Variants in SLC25A13 observed in about 807,000 individuals in gnomAD.
SLC25A13 encodes the protein solute carrier family 25 member 13.
Under a neutral mutation model 85.5 loss-of-function variants are expected in SLC25A13, and 70 were observed. The observed-to-expected ratio is 0.82, with a 90% CI of 0.68 to 1.00. The LOEUF (loss-of-function observed/expected upper bound fraction) is 1.00, where lower values mean the gene tolerates loss of function less well. SLC25A13 is among the 50% of genes least tolerant of loss of function. The pLI, the probability that SLC25A13 is intolerant of heterozygous loss-of-function variation, is 0.00. For missense variants in SLC25A13, 765 were observed against 819.8 expected (o/e 0.93, Z 0.82); for synonymous variants, 259 against 288.7 (o/e 0.90, Z 1.04).
At chr7:96,185,822 C>T (rs1174383350) in intron 9 of SLC25A13, among the ~76,000 whole-genome samples, 1 of 151,876 alleles carries the variant, frequency 6.6e-6, no homozygotes, top group Non-Finnish European at 1.5e-5. Flanking sequence ...ATGGCGTGAA[C>T]CCGTGAGGTG....
chr7:96,191,857 G>A (rs1174679112), intron 6 of SLC25A13, among the ~76,000 whole-genome samples: 1 of 152,112 alleles, frequency 6.6e-6, no homozygotes, highest in Non-Finnish European at 1.5e-5. Context: ...TAAAAATTCT[G>A]ATAATCAGAA....
At position 96,194,902 on chromosome 7, in the gene SLC25A13, C is replaced by G. The variant is rs143471288; in HGVS notation, c.469-1719G>C. Among the ~76,000 whole-genome samples the G allele has an allele frequency of 2.7e-4, 41 of 152,280 alleles. 3 individuals carry two copies. The East Asian group carries it at 7.5e-3, about 28-fold the overall frequency. The stretch of plus-strand genomic sequence containing the variant: ...CTCATTTGTAGCCATCTGCCAGTTT[C>G]GAACCAGCCTGCCTCAGCTGAAACT... On this transcript the variant is annotated intron_variant, in intron 5 of 17. Transcript: ENST00000265631.
At chr7:96,270,516 C>T (rs1249616806) in intron 3 of SLC25A13, among the ~76,000 whole-genome samples, 1 of 151,266 alleles carries the variant, frequency 6.6e-6, no homozygotes, top group Non-Finnish European at 1.5e-5. Flanking sequence ...GATCGTGCCA[C>T]TGCACCCCAG....
At chr7:96,178,321 C>T (rs1191918197) in intron 11 of SLC25A13, among the ~76,000 whole-genome samples, 3 of 152,110 alleles carry the variant, frequency 2.0e-5, no homozygotes, top group Non-Finnish European at 4.4e-5. Flanking sequence ...GGGGCTACTA[C>T]CAAGGAAGAA....
intron 6 of SLC25A13, among the ~76,000 whole-genome samples, chr7:96,192,320 A>C (rs2084929742): frequency 1.3e-5 from 2 of 152,204 alleles, no homozygotes; most frequent in Admixed American, 6.5e-5. Context: ...AAACTGAGTT[A>C]TTACCAAAAT....
chr7:96,303,171 A>G (rs1799615489), intron 1 of SLC25A13, among the ~76,000 whole-genome samples: 1 of 152,164 alleles, frequency 6.6e-6, no homozygotes, highest in African/African-American at 2.4e-5. Context: ...CACCAACTGT[A>G]CAGCACAGCC....
At chr7:96,318,358 T>A (rs761005849) in intron 1 of SLC25A13, among the ~76,000 whole-genome samples, 150 of 152,342 alleles carry the variant, frequency 9.8e-4, no homozygotes, top group Middle Eastern at 6.8e-3. Context: ...GGGTGACCTC[T>A]CAATTACCAC....
chr7:96,314,383 A>G (rs779301715), intron 1 of SLC25A13, among the ~76,000 whole-genome samples: 2 of 152,170 alleles, frequency 1.3e-5, no homozygotes, highest in Non-Finnish European at 2.9e-5. Flanking sequence ...TCACCCAATT[A>G]GAGGGTCTGT....
chr7:96,299,352 C>T (rs1799469258), intron 1 of SLC25A13, among the ~76,000 whole-genome samples: 1 of 152,130 alleles, frequency 6.6e-6, no homozygotes, highest in African/African-American at 2.4e-5. Context: ...AGAGAATGAC[C>T]CAACACTTAT....
At chr7:96,175,016 C>A (rs894083336) in intron 11 of SLC25A13, among the ~76,000 whole-genome samples, 1 of 152,154 alleles carries the variant, frequency 6.6e-6, no homozygotes, top group East Asian at 1.9e-4. Flanking sequence ...GGAAAGGGAA[C>A]GCTAGTTGTC....
chr7:96,227,088 T>C (rs1443125401), intron 4 of SLC25A13, among the ~76,000 whole-genome samples: 1 of 152,238 alleles, frequency 6.6e-6, no homozygotes, highest in Non-Finnish European at 1.5e-5. Context: ...TTATCTCAAA[T>C]ATAAAATTCA....
At chr7:96,207,766 A>G (rs28579874) in intron 5 of SLC25A13, among the ~76,000 whole-genome samples, 1 of 151,922 alleles carries the variant, frequency 6.6e-6, no homozygotes, top group Non-Finnish European at 1.5e-5. Flanking sequence ...TTGCATCATC[A>G]GTGGCCCAAT....
intron 15 of SLC25A13, among the ~76,000 whole-genome samples, chr7:96,125,836 G>A (rs190686234): frequency 1.4e-5 from 2 of 142,982 alleles, no homozygotes; most frequent in East Asian, 2.2e-4. Context: ...CAGAACTAAC[G>A]CTTGATATTT....
At chr7:96,302,466 G>A (rs1016768163) in intron 1 of SLC25A13, among the ~76,000 whole-genome samples, 1 of 152,174 alleles carries the variant, frequency 6.6e-6, no homozygotes, top group African/African-American at 2.4e-5. Context: ...TCAGATCTAA[G>A]AGAGGATGGT....
At chr7:96,185,054 A>G in intron 9 of SLC25A13, 43 bp from the exon 10 acceptor site, 1 of 1,531,944 alleles carries the variant, frequency 6.5e-7, no homozygotes, top group Non-Finnish European at 8.9e-7. Context: ...AAAACAGGTG[A>G]CAGAAAAGAA....
In SLC25A13 at chr7:96,184,986, G is replaced by GGTC; in HGVS notation, c.956_958dup (p.Arg319dup). ...CGACTCTGCAACTTGTAGAAGAACT[G>GGTC]GTCGAGCTGAATCACCTGAGGCCTT... On this transcript the variant is annotated inframe_insertion, in exon 10 of 18. Coordinates refer to ENST00000265631, the MANE Select transcript of SLC25A13 (RefSeq NM_014251.3). 6.2e-7 allele frequency: 1 copy of GGTC among 1,614,146 alleles called. No homozygotes were observed. Among genetic ancestry groups the GGTC allele is most frequent in the Non-Finnish European group, 8.5e-7 (1 of 1,180,008 alleles).
Sources: gnomAD v4.1 joint callset for allele counts (sites outside exome capture counted in the v4.1 genomes callset) on GRCh38, gnomAD v4.1.1 for gene constraint, MANE v1.5 for transcripts, NCBI Gene and HGNC (gene_info 2026-07-23, HGNC 2026-07-21) for gene names.